TG: variants seen among roughly 807,000 people sequenced by gnomAD.
TG encodes thyroid hormones.
Under a neutral mutation model 324.7 loss-of-function variants are expected in TG, and 270 were observed. That is an observed-to-expected ratio of 0.83 (90% CI 0.75 to 0.92). The LOEUF (loss-of-function observed/expected upper bound fraction) is 0.92, where lower values mean the gene tolerates loss of function less well. Among genes scored for constraint, TG ranks in the 40% least tolerant of loss-of-function variants. The pLI, the probability that TG is intolerant of heterozygous loss-of-function variation, is 0.00. For missense variants in TG, 3,591 were observed against 3,456.4 expected, an observed-to-expected ratio of 1.04 and a Z score of -0.98; for synonymous variants, 1,401 against 1,327.0, an observed-to-expected ratio of 1.06 and a Z score of -1.21.
chr8:132,936,698 G>A (rs968320681), intron 25 of TG, among the ~76,000 whole-genome samples: 4 of 152,162 alleles, frequency 2.6e-5, no homozygotes, highest in Non-Finnish European at 4.4e-5. Flanking sequence ...GGAATCCTGA[G>A]GTCTGCGCTC....
At chr8:133,118,631 C>T (rs1289970809) in intron 45 of TG, among the ~76,000 whole-genome samples, 2 of 152,076 alleles carry the variant, frequency 1.3e-5, no homozygotes, top group Non-Finnish European at 2.9e-5. Flanking sequence ...GGCCCTGACT[C>T]TTGCATTTTT....
At chr8:132,902,170 T>A (rs1818018838) in intron 16 of TG, among the ~76,000 whole-genome samples, 1 of 152,164 alleles carries the variant, frequency 6.6e-6, no homozygotes, top group Non-Finnish European at 1.5e-5. Flanking sequence ...GGGCAGGAAA[T>A]GGAGACATTA....
intron 21 of TG, among the ~76,000 whole-genome samples, chr8:132,922,528 G>C (rs1199767026): frequency 6.6e-6 from 1 of 152,188 alleles, no homozygotes; most frequent in Non-Finnish European, 1.5e-5. Flanking sequence ...AGAGGTGTGG[G>C]TCCCTGGGAT....
At chr8:132,966,444 C>T (rs538043378) in intron 29 of TG, 116 bp from the exon 30 acceptor site, 1 of 1,327,432 alleles carries the variant, frequency 7.5e-7, no homozygotes, top group Admixed American at 1.9e-5. Context: ...ATCTCTGACA[C>T]TTTCTCTCTC....
chr8:133,094,658 G>A (rs528474433), intron 41 of TG: 2 of 326,940 alleles, frequency 6.1e-6, no homozygotes, highest in South Asian at 5.5e-5. Context: ...CCCCCAGGAG[G>A]TGCTGGTGGG....
At chr8:133,048,974 G>A (rs1331779905) in intron 41 of TG, 1 of 332,014 alleles carries the variant, frequency 3.0e-6, no homozygotes, top group Non-Finnish European at 6.1e-6. Context: ...ATCAATGGAT[G>A]CCTCCTTCTT....
In TG at chr8:132,888,342, C is replaced by G. The variant is rs763864888; in HGVS notation, c.2535C>G (p.Val845=). The change falls in exon 10 of 48, where the codon GTC becomes GTG. Residue 845 remains valine, a synonymous_variant. Coordinates refer to ENST00000220616, the MANE Select transcript of TG (RefSeq NM_003235.5). ...VLSQYPSLQD[V]PLAALEGKRP... is the part of the protein sequence containing the mutation. ...CACAATACCCTTCTCTGCAAGATGTCCCACTAGCAGCACTGGAAGGGAAAC... is the reference window on the plus strand; with the variant it reads ...CACAATACCCTTCTCTGCAAGATGTGCCACTAGCAGCACTGGAAGGGAAAC... The G allele has an allele frequency of 1.2e-6, 2 of 1,614,140 alleles. No homozygotes were observed. The highest frequency in any genetic ancestry group is 4.5e-5 in the East Asian group (2 of 44,880).
At chr8:132,871,660 G>GCCC in intron 4 of TG, 109 bp downstream of exon 4, 1 of 1,048,496 alleles carries the variant, frequency 9.5e-7, no homozygotes, top group Non-Finnish European at 1.4e-6. Flanking sequence ...AGAGAACCAG[G>GCCC]CCCTCATTAG....
At chr8:133,084,399 T>G (rs924402473) in intron 41 of TG, among the ~76,000 whole-genome samples, 25 of 152,210 alleles carry the variant, frequency 1.6e-4, no homozygotes, top group African/African-American at 5.8e-4. Flanking sequence ...TATGAAGTAC[T>G]CATTGACAAT....
Position 132,906,733 on chromosome 8 carries a change from G to A in TG, c.3680G>A (p.Gly1227Glu), listed in dbSNP as rs2132332077. ...TTCAACGCGTCGGAGGTGGTTGGTG[G>A]AACAATCCTGTGTGAGACAATCTCG... ...LPFNASEVVG[G>E]TILCETISGP... Residue 1227 changes from glycine (G) to glutamate (E), a missense_variant, in exon 17 of 48, where the codon GGA becomes GAA. Transcript: ENST00000220616. 6.2e-7 allele frequency: 1 copy of A among 1,614,208 alleles called. No homozygotes were observed. Among genetic ancestry groups the A allele is most frequent in the Non-Finnish European group, 8.5e-7 (1 of 1,180,040 alleles).
intron 21 of TG, among the ~76,000 whole-genome samples, chr8:132,919,807 T>C (rs1256903750): frequency 1.3e-5 from 2 of 152,174 alleles, no homozygotes; most frequent in African/African-American, 4.8e-5. Context: ...AACTATTGGG[T>C]ACACAACATA....
chr8:133,132,437 A>G (rs1852015638), intron 46 of TG, among the ~76,000 whole-genome samples: 1 of 152,150 alleles, frequency 6.6e-6, no homozygotes. Context: ...CTTAAGTTGA[A>G]ATGCTCAGGG....
In TG at chr8:132,935,856, T is replaced by C. The variant is rs1221723696; in HGVS notation, c.5033T>C (p.Leu1678Ser). Residue 1678 changes from leucine to serine, a missense_variant, in exon 25 of 48, where the codon TTG becomes TCG. Leu to Ser is a moderately radical substitution (Grantham distance 145, BLOSUM62 -2). Transcript: ENST00000220616. ...SHGQDSPAVYLKKGQGSTTTL... is the reference protein window; with the variant it reads ...SHGQDSPAVYSKKGQGSTTTL... ...GGTCAAGATTCTCCAGCTGTGTATT[T>C]GAAAAAGGGTAGGTTGGTCAGGCTG... The C allele has an allele frequency of 1.2e-6, 2 of 1,612,114 alleles. No individual in the cohort carries two copies. Among genetic ancestry groups the C allele is most frequent in the South Asian group, 2.2e-5 (2 of 90,970 alleles).
intron 27 of TG, among the ~76,000 whole-genome samples, chr8:132,956,972 T>A (rs1347832595): frequency 6.6e-6 from 1 of 151,952 alleles, no homozygotes; most frequent in Non-Finnish European, 1.5e-5. Flanking sequence ...AGGAAGATGG[T>A]CCTATTAACT....
intron 8 of TG, among the ~76,000 whole-genome samples, chr8:132,884,377 C>G (rs1172650229): frequency 6.6e-6 from 1 of 152,142 alleles, no homozygotes; most frequent in East Asian, 1.9e-4. Flanking sequence ...AGGGAAGAAC[C>G]AGGAGCATTC....
At chr8:132,921,072 T>C (rs1821038697) in intron 21 of TG, among the ~76,000 whole-genome samples, 2 of 152,222 alleles carry the variant, frequency 1.3e-5, no homozygotes, top group African/African-American at 4.8e-5. Context: ...GAGAAAAATC[T>C]CCTGTCCTTC....
At position 133,017,990 on chromosome 8, in the gene TG, A is replaced by G; in HGVS notation, c.6775A>G (p.Lys2259Glu). 6.2e-7 allele frequency: 1 copy of G among 1,614,126 alleles called. No homozygotes were observed. Among genetic ancestry groups the G allele is most frequent in the Non-Finnish European group, 8.5e-7 (1 of 1,180,002 alleles). ...CTGGACAGGCTCCTGGGATGCCAGC[A>G]AGCCAAGGTATGGGTTGAGTGGAGC... ...LNWTGSWDASKPRASCWQPGT... is the reference protein window; with the variant it reads ...LNWTGSWDASEPRASCWQPGT... The change falls in exon 38 of 48, where the codon AAG (lysine) becomes GAG (glutamate). Residue 2259 changes from lysine to glutamate, a missense_variant. Transcript: ENST00000220616.
intron 31 of TG, 95 bp from the exon 32 acceptor site, chr8:132,969,363 G>T: frequency 2.3e-6 from 2 of 877,042 alleles, no homozygotes; most frequent in Middle Eastern, 5.1e-4. Flanking sequence ...ATCTTTAATT[G>T]GAAACTTTCA....
At chr8:133,062,026 A>G (rs1341669833) in intron 41 of TG, among the ~76,000 whole-genome samples, 4 of 152,256 alleles carry the variant, frequency 2.6e-5, no homozygotes, top group African/African-American at 9.6e-5. Flanking sequence ...TCCGAAGACA[A>G]TGACCAGGCT....
Sources: allele counts gnomAD v4.1 joint callset (sites outside exome capture counted in the v4.1 genomes callset), GRCh38; gene constraint gnomAD v4.1.1; transcripts MANE v1.5; gene names NCBI Gene and HGNC (gene_info 2026-07-23, HGNC 2026-07-21).